Variants in STXBP4 observed in about 807,000 individuals in gnomAD.
STXBP4 encodes the protein syntaxin binding protein 4, also known as syntaxin-binding protein 4.
Under a neutral mutation model 76.1 loss-of-function variants are expected in STXBP4, and 55 were observed. The ratio of observed to expected loss-of-function variants is 0.72; its 90% CI spans 0.58 to 0.91. The LOEUF is 0.91. Ranked by LOEUF, STXBP4 falls within the 40% of genes least tolerant of loss-of-function variation. The pLI is 0.00. For missense variants in STXBP4, 618 were observed against 636.9 expected (o/e 0.97, Z 0.32); for synonymous variants, 201 against 220.2 (o/e 0.91, Z 0.77).
the STXBP4 span, among the ~76,000 whole-genome samples, chr17:55,184,611 T>C: frequency 2.0e-5 from 3 of 152,232 alleles, no homozygotes; most frequent in South Asian, 2.1e-4. Flanking sequence ...CAGAAAAATA[T>C]AAGCTGAGGA....
chr17:55,190,604 A>G, the STXBP4 span, among the ~76,000 whole-genome samples: 1 of 152,318 alleles, frequency 6.6e-6, no homozygotes, highest in African/African-American at 2.4e-5. Context: ...GATGCCAAAT[A>G]ATATCATAAA....
intron 6 of STXBP4, among the ~76,000 whole-genome samples, chr17:55,000,507 G>A (rs988762365): frequency 2.0e-5 from 3 of 152,178 alleles, no homozygotes; most frequent in Admixed American, 6.5e-5. Context: ...ATGCTGAACA[G>A]AGACAGAGTA....
intron 17 of STXBP4, among the ~76,000 whole-genome samples, chr17:55,147,092 G>A (rs988471091): frequency 2.0e-5 from 3 of 152,150 alleles, no homozygotes; most frequent in Non-Finnish European, 2.9e-5. Flanking sequence ...TAAAATATAT[G>A]TTTCATATGA....
chr17:55,048,794 A>G (rs1219838282), intron 12 of STXBP4, among the ~76,000 whole-genome samples: 1 of 151,854 alleles, frequency 6.6e-6, no homozygotes, highest in African/African-American at 2.4e-5. Context: ...TGAAAATATA[A>G]TCAAGAAGTA....
At chr17:54,993,850 C>G (rs1465296857) in intron 4 of STXBP4, among the ~76,000 whole-genome samples, 2 of 152,102 alleles carry the variant, frequency 1.3e-5, no homozygotes, top group African/African-American at 4.8e-5. Context: ...CTATCTCAAG[C>G]TTATAGCTAG....
chr17:55,089,672 G>T (rs968084202), intron 16 of STXBP4, among the ~76,000 whole-genome samples: 7 of 152,096 alleles, frequency 4.6e-5, no homozygotes, highest in African/African-American at 1.7e-4. Flanking sequence ...TGAACTACAT[G>T]TTCAGAACTG....
chr17:55,017,297 A>G (rs2078225727), intron 8 of STXBP4, among the ~76,000 whole-genome samples: 1 of 151,620 alleles, frequency 6.6e-6, no homozygotes. Flanking sequence ...GCCATTTACA[A>G]ACTTGGGGCC....
At chr17:55,037,073 T>A (rs950672958) in intron 10 of STXBP4, among the ~76,000 whole-genome samples, 2 of 152,286 alleles carry the variant, frequency 1.3e-5, no homozygotes, top group Non-Finnish European at 2.9e-5. Context: ...CTGGTTGTTC[T>A]GTAACCCTCA....
At chr17:54,991,058 AC>A in intron 4 of STXBP4, 101 bp downstream of exon 4, 1 of 1,265,454 alleles carries the variant, frequency 7.9e-7, no homozygotes. Context: ...ATCCACTGTG[AC>A]CATACCTCAG....
At chr17:55,081,596 G>A (rs1166697091) in intron 16 of STXBP4, among the ~76,000 whole-genome samples, 1 of 152,166 alleles carries the variant, frequency 6.6e-6, no homozygotes, top group Non-Finnish European at 1.5e-5. Flanking sequence ...CTGCTGAAAC[G>A]ATGAGTTAAG....
At chr17:55,126,897 G>A (rs1253368100) in intron 16 of STXBP4, among the ~76,000 whole-genome samples, 1 of 152,200 alleles carries the variant, frequency 6.6e-6, no homozygotes, top group Admixed American at 6.5e-5. Flanking sequence ...AAAGATGAAA[G>A]GAAGATTGCA....
intron 16 of STXBP4, among the ~76,000 whole-genome samples, chr17:55,084,573 T>A (rs2079299547): frequency 2.0e-5 from 3 of 151,462 alleles, no homozygotes; most frequent in Admixed American, 2.0e-4. Flanking sequence ...ATGTCCTGAA[T>A]GGTAATGCCT....
the STXBP4 span, among the ~76,000 whole-genome samples, chr17:55,199,135 C>G: frequency 1.3e-5 from 2 of 152,208 alleles, no homozygotes. Context: ...ATTTGCCATG[C>G]TGTTTTAGGT....
intron 17 of STXBP4, among the ~76,000 whole-genome samples, chr17:55,144,180 G>C (rs907968426): frequency 3.9e-5 from 6 of 152,102 alleles, no homozygotes; most frequent in African/African-American, 1.4e-4. Context: ...ATAGAAACTT[G>C]GTTGTAAGAA....
chr17:55,151,453 A>T (rs2080216743), intron 17 of STXBP4, among the ~76,000 whole-genome samples: 1 of 152,234 alleles, frequency 6.6e-6, no homozygotes, highest in African/African-American at 2.4e-5. Context: ...ATACCTGAAC[A>T]TCTGTATCAA....
intron 4 of STXBP4, among the ~76,000 whole-genome samples, chr17:54,992,364 A>T (rs2077730746): frequency 6.6e-6 from 1 of 151,632 alleles, no homozygotes; most frequent in Admixed American, 6.6e-5. Flanking sequence ...GCAGTGAGGC[A>T]TGATCGTGCC....
chr17:55,197,590 A>C, the STXBP4 span, among the ~76,000 whole-genome samples: 1 of 152,088 alleles, frequency 6.6e-6, no homozygotes, highest in African/African-American at 2.4e-5. Flanking sequence ...AAAAATCAAA[A>C]AAATCAGCCA....
chr17:55,122,321 A>G (rs2145093968), intron 16 of STXBP4, among the ~76,000 whole-genome samples: 1 of 152,384 alleles, frequency 6.6e-6, no homozygotes, highest in East Asian at 1.9e-4. Flanking sequence ...TACAAACCAC[A>G]GAAGTACCAT....
chr17:55,078,114 C>T lies in STXBP4; in HGVS notation c.1225C>T (p.Leu409Phe). The change falls in exon 14 of 18, where the codon CTC becomes TTC. Residue 409 changes from leucine (L) to phenylalanine (F), a missense_variant. Leu to Phe is a conservative substitution (Grantham distance 22). Coordinates refer to ENST00000376352, the MANE Select transcript of STXBP4 (RefSeq NM_178509.6). ...GGATTTAAAAAAGAGAATCATGGTA[C>T]TCGACTGCCAATTACGAAAATCAGA... is the stretch of plus-strand genomic sequence containing the variant. ...VQDLKKRIMVLDCQLRKSEMA... is the reference protein window; with the variant it reads ...VQDLKKRIMVFDCQLRKSEMA... 1 of 1,611,766 alleles carries T rather than the reference C, an allele frequency of 6.2e-7. No individual in the cohort carries two copies. The highest frequency in any genetic ancestry group is 8.5e-7 in the Non-Finnish European group (1 of 1,178,864).
Sources: gnomAD v4.1 joint callset for allele counts (sites outside exome capture counted in the v4.1 genomes callset) on GRCh38, gnomAD v4.1.1 for gene constraint, MANE v1.5 for transcripts, NCBI Gene and HGNC (gene_info 2026-07-23, HGNC 2026-07-21) for gene names.